The following ELAPOR2 variants were observed in gnomAD, a reference collection of about 807,000 sequenced individuals.
ELAPOR2 encodes the protein endosome/lysosome-associated apoptosis and autophagy regulator family member 2.
Under a neutral mutation model 120.7 loss-of-function variants are expected in ELAPOR2, and 89 were observed. The observed-to-expected ratio is 0.74, with a 90% CI of 0.62 to 0.88. ELAPOR2 has a LOEUF of 0.88. Among genes scored for constraint, ELAPOR2 ranks in the 40% least tolerant of loss-of-function variants. ELAPOR2 has a pLI of 0.00. For synonymous variants in ELAPOR2, 444 were observed against 444.9 expected (o/e 1.00, Z 0.03); for missense variants, 1,134 against 1,251.6 (o/e 0.91, Z 1.42).
At chr7:87,016,021 C>G (rs1381037638) in intron 1 of ELAPOR2, among the ~76,000 whole-genome samples, 1 of 152,046 alleles carries the variant, frequency 6.6e-6, no homozygotes, top group Admixed American at 6.6e-5. Flanking sequence ...CAAGTCTTCC[C>G]TAAATTAGTG....
At chr7:86,910,074 G>GAC in intron 15 of ELAPOR2, 73 bp from the exon 16 acceptor site, 1 of 1,172,362 alleles carries the variant, frequency 8.5e-7, no homozygotes, top group Non-Finnish European at 1.2e-6. Flanking sequence ...ACTAGCTAGT[G>GAC]ACCCTAGAAG....
In ELAPOR2 at chr7:87,042,047, A is replaced by C. The variant is rs1440353378; in HGVS notation, c.189+17278T>G. Among the ~76,000 whole-genome samples, 155 of 150,946 alleles carry C rather than the reference A, an allele frequency of 1.0e-3. 1 individual carries two copies. Among genetic ancestry groups the C allele is most frequent in the African/African-American group, 3.7e-3 (150 of 40,838 alleles). On this transcript the variant is annotated intron_variant, in intron 1 of 21. Coordinates refer to ENST00000450689, the MANE Select transcript of ELAPOR2 (RefSeq NM_001142749.3). ...ACATAATGGTAAAGGGATCAATTCA[A>C]CAAGAAGAGCTAACTATCCTAAATA...
chr7:86,995,587 G>A (rs920688397), intron 1 of ELAPOR2, among the ~76,000 whole-genome samples: 1 of 152,132 alleles, frequency 6.6e-6, no homozygotes. Context: ...CGTAAGACCT[G>A]GCTCCCTGTT....
chr7:86,975,821 C>T (rs1279518299), intron 1 of ELAPOR2, among the ~76,000 whole-genome samples: 1 of 152,222 alleles, frequency 6.6e-6, no homozygotes, highest in Non-Finnish European at 1.5e-5. Flanking sequence ...TCAAAACTTT[C>T]TAACAGCTAA....
At chr7:86,902,237 C>A (rs757525699) in intron 18 of ELAPOR2, among the ~76,000 whole-genome samples, 1 of 152,044 alleles carries the variant, frequency 6.6e-6, no homozygotes, top group African/African-American at 2.4e-5. Context: ...GGTGCTATGG[C>A]GCGATCTCAG....
intron 1 of ELAPOR2, among the ~76,000 whole-genome samples, chr7:86,979,151 G>A (rs139180877): frequency 6.8e-4 from 103 of 152,262 alleles, no homozygotes; most frequent in African/African-American, 2.4e-3. Flanking sequence ...ATTGCACAAT[G>A]ATGCAGCAAA....
At chr7:87,012,342 G>A (rs1793716532) in intron 1 of ELAPOR2, among the ~76,000 whole-genome samples, 1 of 152,152 alleles carries the variant, frequency 6.6e-6, no homozygotes, top group African/African-American at 2.4e-5. Context: ...CCCAGGAGGT[G>A]GAGGTTGCAG....
At chr7:87,028,749 T>C (rs1380650142) in intron 1 of ELAPOR2, among the ~76,000 whole-genome samples, 1 of 152,084 alleles carries the variant, frequency 6.6e-6, no homozygotes, top group Non-Finnish European at 1.5e-5. Context: ...CTCAAAAGCC[T>C]CTAAGGCCTT....
At chr7:86,901,289 GC>G (rs1320877834) in intron 18 of ELAPOR2, among the ~76,000 whole-genome samples, 3 of 152,156 alleles carry the variant, frequency 2.0e-5, no homozygotes, top group Non-Finnish European at 1.5e-5. Context: ...AATCTGGATG[GC>G]CCTGGCAATA....
intron 1 of ELAPOR2, chr7:86,966,064 T>G (rs1355092344): frequency 1.9e-6 from 1 of 536,670 alleles, no homozygotes; most frequent in African/African-American, 2.1e-5. Context: ...TGGGTTCCCG[T>G]TTATTTAACA....
intron 21 of ELAPOR2, 155 bp downstream of exon 21, chr7:86,891,569 T>A: frequency 5.2e-6 from 3 of 572,648 alleles, no homozygotes; most frequent in Non-Finnish European, 9.1e-6. Context: ...TATTATTGTA[T>A]CTATATCATG....
In ELAPOR2 at chr7:86,939,054, A is replaced by G. The variant is rs543933218; in HGVS notation, c.848-94T>C. The stretch of plus-strand genomic sequence containing the variant: ...CTGCTTCTACCCAGAAGTGAGGGAG[A>G]TATATGAACAGTAAGGTCAGCCCAA... On this transcript the variant is annotated intron_variant, in intron 6 of 21. Coordinates refer to ENST00000450689, the MANE Select transcript of ELAPOR2 (RefSeq NM_001142749.3). The G allele has an allele frequency of 9.4e-6, 13 of 1,376,718 alleles. 1 individual carries two copies. The South Asian group carries it at 1.7e-4, about 18-fold the overall frequency. 85.3% of individuals were successfully genotyped at this position (1,376,718 alleles called of 1,614,324 possible). A position where few individuals can be genotyped will look rare whatever the true frequency, so the allele number is the denominator to read the frequency against.
chr7:87,050,562 A>G (rs1795070816), intron 1 of ELAPOR2, among the ~76,000 whole-genome samples: 2 of 152,198 alleles, frequency 1.3e-5, no homozygotes, highest in African/African-American at 4.8e-5. Flanking sequence ...ACCATGAGTC[A>G]ATTAAACATC....
rs1789214671 is a variant in ELAPOR2 at position 86,909,851 on chromosome 7, A to T, written c.2320T>A (p.Leu774Ile). 6.2e-7 allele frequency: 1 copy of T among 1,613,134 alleles called. No homozygotes were observed. The highest frequency in any genetic ancestry group is 8.5e-7 in the Non-Finnish European group (1 of 1,179,446). ...GCCAGAATGATGGATTGTGATGATA[A>T]GGCTGCTCGGAAACCCTTACTTTCA... ...PSESKGFRAALSSQSIILADT... is the reference protein window; with the variant it reads ...PSESKGFRAAISSQSIILADT... Residue 774 changes from leucine (L) to isoleucine (I), a missense_variant, in exon 16 of 22, where the codon TTA becomes ATA. Physicochemically the swap from Leu to Ile is conservative, Grantham distance 5. This residue lies in a region of ELAPOR2 where 831 missense variants were observed against 867.6 expected (regional missense o/e 0.96). Coordinates refer to ENST00000450689, the MANE Select transcript of ELAPOR2 (RefSeq NM_001142749.3).
intron 1 of ELAPOR2, among the ~76,000 whole-genome samples, chr7:86,975,851 C>T (rs1350459350): frequency 2.0e-5 from 3 of 152,170 alleles, no homozygotes; most frequent in East Asian, 1.9e-4. Flanking sequence ...AGGGAGTTAC[C>T]GGGCTTCTTT....
At chr7:87,000,856 A>G (rs1267710997) in intron 1 of ELAPOR2, among the ~76,000 whole-genome samples, 4 of 152,186 alleles carry the variant, frequency 2.6e-5, no homozygotes, top group African/African-American at 9.7e-5. Flanking sequence ...AAGAGAGGGT[A>G]ACAGAACAGA....
chr7:86,922,057 C>A (rs1021821652), intron 10 of ELAPOR2, among the ~76,000 whole-genome samples: 3 of 151,618 alleles, frequency 2.0e-5, no homozygotes, highest in South Asian at 2.1e-4. Context: ...TTTTTTTTTC[C>A]TATCAACCAG....
intron 19 of ELAPOR2, 46 bp from the exon 20 acceptor site, chr7:86,893,146 A>T: frequency 7.0e-7 from 1 of 1,422,192 alleles, no homozygotes; most frequent in South Asian, 1.4e-5. Context: ...GAGAAATGAA[A>T]TTCAGACTCA....
At chr7:86,970,490 G>C (rs368623566) in intron 1 of ELAPOR2, among the ~76,000 whole-genome samples, 4 of 152,210 alleles carry the variant, frequency 2.6e-5, no homozygotes, top group African/African-American at 9.6e-5. Flanking sequence ...CAAAGAACTT[G>C]GCACACTTAT....
Sources: allele counts gnomAD v4.1 joint callset (sites outside exome capture counted in the v4.1 genomes callset), GRCh38; gene constraint gnomAD v4.1.1; regional missense constraint gnomAD v4.1.1; transcripts MANE v1.5; gene names NCBI Gene and HGNC (gene_info 2026-07-23, HGNC 2026-07-21).